RPH3AL: variants seen among roughly 807,000 people sequenced by gnomAD.
RPH3AL encodes rab effector Noc2.
RPH3AL carries 38 observed loss-of-function variants against 43.1 expected under a neutral mutation model. The observed-to-expected ratio is 0.88, with a 90% CI of 0.68 to 1.15. RPH3AL has a LOEUF of 1.15. Ranked by LOEUF, RPH3AL falls within the 50% of genes most tolerant of loss-of-function variation. The pLI, the probability that RPH3AL is intolerant of heterozygous loss-of-function variation, is 0.00. For synonymous variants in RPH3AL, 189 were observed against 176.3 expected, an observed-to-expected ratio of 1.07 and a Z score of -0.57; for missense variants, 462 against 423.2, an observed-to-expected ratio of 1.09 and a Z score of -0.81.
chr17:277,616 C>T (rs574181525), intron 6 of RPH3AL, among the ~76,000 whole-genome samples: 2 of 152,272 alleles, frequency 1.3e-5, no homozygotes, highest in East Asian at 3.9e-4. Flanking sequence ...TCTGTCTCCG[C>T]TTTACTCAAG....
intron 3 of RPH3AL, among the ~76,000 whole-genome samples, chr17:324,681 T>TTCTA (rs1178161574): frequency 7.7e-6 from 1 of 130,056 alleles, no homozygotes; most frequent in African/African-American, 2.9e-5. Context: ...CTTTCTATCT[T>TTCTA]TCTATCTATC....
At chr17:252,752 C>T (rs906168767) in intron 6 of RPH3AL, among the ~76,000 whole-genome samples, 33 of 152,310 alleles carry the variant, frequency 2.2e-4, no homozygotes, top group African/African-American at 7.7e-4. Context: ...ATGCTTGGGA[C>T]AGAAGTGCTT....
At chr17:342,271 A>C (rs547649927) in intron 1 of RPH3AL, among the ~76,000 whole-genome samples, 1 of 152,360 alleles carries the variant, frequency 6.6e-6, no homozygotes, top group African/African-American at 2.4e-5. Flanking sequence ...GGGAATGGAG[A>C]TGGTGCAGCC....
chr17:219,502 G>GTTTCT (rs146351269), intron 8 of RPH3AL, 121 bp downstream of exon 8: 48,114 of 389,218 alleles, frequency 0.12, 6,310 homozygotes, highest in Admixed American at 0.14. Flanking sequence ...CGGCCTAATA[G>GTTTCT]TTTCATTTCT....
intron 5 of RPH3AL, among the ~76,000 whole-genome samples, chr17:305,616 G>A (rs568237613): frequency 6.6e-6 from 1 of 152,138 alleles, no homozygotes; most frequent in East Asian, 1.9e-4. Flanking sequence ...GGAGATACTA[G>A]GTCACAGGAA....
chr17:320,351 T>A (rs558444924), intron 4 of RPH3AL, among the ~76,000 whole-genome samples: 11 of 152,142 alleles, frequency 7.2e-5, no homozygotes, highest in African/African-American at 2.7e-4. Context: ...ACTGTAAAGA[T>A]AAGGCCGGGC....
intron 6 of RPH3AL, among the ~76,000 whole-genome samples, chr17:268,913 C>G (rs1025985870): frequency 1.3e-5 from 2 of 152,026 alleles, no homozygotes; most frequent in African/African-American, 4.8e-5. Context: ...GAGTCTCGCT[C>G]CGTCACCCAG....
chr17:314,834 TCCACC>T (rs2043862570), intron 5 of RPH3AL, among the ~76,000 whole-genome samples: 1 of 57,908 alleles, frequency 1.7e-5, no homozygotes, highest in African/African-American at 9.5e-5. Flanking sequence ...GTCTCTGTGC[TCCACC>T]TCCATTGACC....
intron 1 of RPH3AL, chr17:341,540 T>C (rs568261696): frequency 1.3e-5 from 2 of 152,276 alleles, no homozygotes; most frequent in East Asian, 3.9e-4. Flanking sequence ...GCTAAAACTA[T>C]GAAATTCGTA....
chr17:253,061 T>G (rs1224139264), intron 6 of RPH3AL, among the ~76,000 whole-genome samples: 2 of 152,148 alleles, frequency 1.3e-5, no homozygotes, highest in African/African-American at 4.8e-5. Context: ...TTACACTTCC[T>G]GGTGGAATCC....
intron 7 of RPH3AL, among the ~76,000 whole-genome samples, chr17:224,045 G>C (rs1165719063): frequency 6.6e-6 from 1 of 152,206 alleles, no homozygotes; most frequent in Non-Finnish European, 1.5e-5. Context: ...TTCCCCTCAT[G>C]TCCTGCCAGT....
chr17:293,766 C>T (rs527808953), intron 5 of RPH3AL, among the ~76,000 whole-genome samples: 8 of 152,066 alleles, frequency 5.3e-5, no homozygotes, highest in South Asian at 4.2e-4. Context: ...CGGTGGCTCA[C>T]GCCTGTAATC....
At position 235,998 on chromosome 17, in the gene RPH3AL, TCCATGGG is replaced by T. The variant is rs1159202536; in HGVS notation, c.613+11106_613+11112del. Among the ~76,000 whole-genome samples the T allele has an allele frequency of 1.9e-4, 28 of 150,418 alleles. 1 individual carries two copies. The highest frequency in any genetic ancestry group is 7.8e-4 in the East Asian group (4 of 5,104). On this transcript the variant is annotated intron_variant, in intron 7 of 9. Coordinates refer to ENST00000331302, the MANE Select transcript of RPH3AL (RefSeq NM_006987.4). The stretch of plus-strand genomic sequence containing the variant: ...CAAGGCTCTACACTAACAAGACGGG[TCCATGGG>T]TCAAAGCTGGGGTCGGCGGTGGCTC...
intron 6 of RPH3AL, among the ~76,000 whole-genome samples, chr17:262,731 C>G (rs1306147344): frequency 6.6e-6 from 1 of 152,150 alleles, no homozygotes; most frequent in Non-Finnish European, 1.5e-5. Flanking sequence ...ATGCCCCGAG[C>G]CATCTCCTTT....
chr17:343,712 G>A (rs1275173248), intron 1 of RPH3AL, among the ~76,000 whole-genome samples: 1 of 152,156 alleles, frequency 6.6e-6, no homozygotes, highest in Non-Finnish European at 1.5e-5. Context: ...ATAGTTGCGG[G>A]TGCTATTGAC....
chr17:315,615 G>C (rs1287070356), intron 5 of RPH3AL, among the ~76,000 whole-genome samples: 4 of 132,786 alleles, frequency 3.0e-5, no homozygotes, highest in East Asian at 2.5e-4. Flanking sequence ...CTGAACTCTA[G>C]TCCCTGTACT....
Position 345,841 on chromosome 17 carries a change from G to A in RPH3AL, c.-213+6871C>T, listed in dbSNP as rs4985597. On this transcript the variant is annotated intron_variant, in intron 1 of 9. Transcript: ENST00000331302. Reference sequence around the variant, plus strand: ...TGCTCCCCAACTGCCCCATCTGCCCGCACACCCTGCTGGGGCATGCCTGCT... The same window carrying A: ...TGCTCCCCAACTGCCCCATCTGCCCACACACCCTGCTGGGGCATGCCTGCT... Among the ~76,000 whole-genome samples, 1,012 of 133,458 alleles carry A rather than the reference G, an allele frequency of 7.6e-3. 195 individuals carry two copies. Among genetic ancestry groups the A allele is most frequent in the Admixed American group, 0.058 (812 of 13,898 alleles). The allele number at this position is 133,458 out of a possible 152,430, so 87.6% of individuals were successfully genotyped here.
Position 265,211 on chromosome 17 carries a change from C to T in RPH3AL, c.438+16557G>A, listed in dbSNP as rs537873735. Reference sequence around the variant, plus strand: ...AATCGATCCTCCCACCTAGGCTTCCCGAGTAGCTGGGACTGCAGGCGCATG... The same window carrying T: ...AATCGATCCTCCCACCTAGGCTTCCTGAGTAGCTGGGACTGCAGGCGCATG... On this transcript the variant is annotated intron_variant, in intron 6 of 9. Transcript: ENST00000331302. Among the ~76,000 whole-genome samples the T allele has an allele frequency of 3.2e-4, 48 of 152,234 alleles. 1 individual carries two copies. Among genetic ancestry groups the T allele is most frequent in the African/African-American group, 9.9e-4 (41 of 41,560 alleles).
chr17:326,532 C>A (rs1307405708), intron 3 of RPH3AL, among the ~76,000 whole-genome samples: 4 of 152,056 alleles, frequency 2.6e-5, no homozygotes, highest in African/African-American at 9.7e-5. Flanking sequence ...AGTGCACAGT[C>A]GGTGGAGATG....
Sources: allele counts gnomAD v4.1 joint callset (sites outside exome capture counted in the v4.1 genomes callset), GRCh38; gene constraint gnomAD v4.1.1; transcripts MANE v1.5; gene names NCBI Gene and HGNC (gene_info 2026-07-23, HGNC 2026-07-21).